The following OPCML variants were observed in gnomAD, a reference collection of about 807,000 sequenced individuals.
OPCML encodes opioid-binding protein/cell adhesion molecule.
Under a neutral mutation model 37.8 loss-of-function variants are expected in OPCML, and 13 were observed. The ratio of observed to expected loss-of-function variants is 0.34; its 90% CI spans 0.22 to 0.55. The LOEUF is 0.55. Among genes scored for constraint, OPCML ranks in the 20% least tolerant of loss-of-function variants. The probability of loss-of-function intolerance (pLI) is 0.91; values close to 1 mark genes in which losing one functional copy is unlikely to be tolerated. For synonymous variants in OPCML, 176 were observed against 168.8 expected (o/e 1.04, Z -0.33); for missense variants, 341 against 435.6 (o/e 0.78, Z 1.93).
intron 1 of OPCML, among the ~76,000 whole-genome samples, chr11:133,318,088 C>T (rs1035418896): frequency 6.6e-6 from 1 of 152,192 alleles, no homozygotes; most frequent in African/African-American, 2.4e-5. Context: ...AACAACCTGC[C>T]TCTGTGATGT....
At chr11:133,131,737 TA>T (rs1296802026) in intron 1 of OPCML, among the ~76,000 whole-genome samples, 3 of 152,214 alleles carry the variant, frequency 2.0e-5, no homozygotes, top group Admixed American at 6.5e-5. Context: ...ATTTAAGACC[TA>T]AAATTTCAAG....
intron 1 of OPCML, among the ~76,000 whole-genome samples, chr11:133,219,531 G>A (rs1191119071): frequency 1.3e-5 from 2 of 152,214 alleles, no homozygotes; most frequent in South Asian, 2.1e-4. Context: ...GCATGGATAA[G>A]AATCATCCGG....
chr11:132,727,419 GCCT>G (rs1944925149), intron 2 of OPCML, among the ~76,000 whole-genome samples: 1 of 152,166 alleles, frequency 6.6e-6, no homozygotes, highest in African/African-American at 2.4e-5. Context: ...AGGCGTGGAG[GCCT>G]CCTCTGTGCC....
chr11:132,706,592 C>T (rs1944042608), intron 2 of OPCML, among the ~76,000 whole-genome samples: 1 of 152,166 alleles, frequency 6.6e-6, no homozygotes, highest in Admixed American at 6.5e-5. Flanking sequence ...TCTAAACCCA[C>T]TTAGATGAGT....
At chr11:133,306,225 T>G (rs1942913618) in intron 1 of OPCML, among the ~76,000 whole-genome samples, 2 of 152,116 alleles carry the variant, frequency 1.3e-5, no homozygotes, top group Non-Finnish European at 2.9e-5. Context: ...TCAGGTTGTA[T>G]TACAAGTCAA....
At position 133,205,098 on chromosome 11, in the gene OPCML, C is replaced by T. The variant is rs1451153461; in HGVS notation, c.62-262088G>A. 2.8e-4 allele frequency among the ~76,000 whole-genome samples: 42 copies of T among 151,944 alleles called. No homozygotes were observed. Among genetic ancestry groups the T allele is most frequent in the Non-Finnish European group, 4.4e-5 (3 of 67,964 alleles). On this transcript the variant is annotated intron_variant, in intron 1 of 7. Coordinates refer to ENST00000524381, the MANE Select transcript of OPCML (RefSeq NM_001012393.5). This position sits in a 1 kb window ranked among gnomAD's most constrained non-coding sequence, Gnocchi z 4.8. ...TCTGTGATTAAATAATTGGAACTTT[C>T]TGTCCCACCCTCTTCTTCCTGGGAG...
chr11:133,329,440 G>A (rs904524185), intron 1 of OPCML, among the ~76,000 whole-genome samples: 7 of 152,058 alleles, frequency 4.6e-5, no homozygotes, highest in African/African-American at 1.2e-4. Context: ...ACTATACTAT[G>A]AGGCTACAGT....
chr11:132,898,451 A>G (rs951565921), intron 2 of OPCML, among the ~76,000 whole-genome samples: 2 of 152,310 alleles, frequency 1.3e-5, no homozygotes, highest in African/African-American at 4.8e-5. Flanking sequence ...ACTGGGCCCA[A>G]GTTCATGGGA....
intron 1 of OPCML, among the ~76,000 whole-genome samples, chr11:133,478,554 T>C (rs1018175885): frequency 2.6e-5 from 4 of 152,168 alleles, no homozygotes; most frequent in Non-Finnish European, 5.9e-5. Context: ...AAGAGAATCA[T>C]TGTATATTGC....
At chr11:132,730,459 C>T (rs1226514575) in intron 2 of OPCML, among the ~76,000 whole-genome samples, 1 of 151,972 alleles carries the variant, frequency 6.6e-6, no homozygotes, top group East Asian at 1.9e-4. Flanking sequence ...TAGCTCTGAT[C>T]CTCCCTTGAT....
At chr11:133,036,274 T>C (rs906492832) in intron 1 of OPCML, among the ~76,000 whole-genome samples, 10 of 152,240 alleles carry the variant, frequency 6.6e-5, no homozygotes, top group Admixed American at 3.3e-4. Flanking sequence ...ATGGTGCGAA[T>C]GTGTGTTTGT....
chr11:133,207,119 TAAAA>T (rs71038525), intron 1 of OPCML, among the ~76,000 whole-genome samples: 3 of 99,678 alleles, frequency 3.0e-5, no homozygotes, highest in Admixed American at 1.1e-4. Context: ...AACCCTCTAC[TAAAA>T]AAAAAAAAAA....
chr11:133,226,653 C>T (rs978559115), intron 1 of OPCML, among the ~76,000 whole-genome samples: 5 of 152,142 alleles, frequency 3.3e-5, no homozygotes, highest in African/African-American at 1.2e-4. Context: ...AAGCAAGCCC[C>T]GAATCCATTA....
chr11:133,083,761 T>A (rs768093720), intron 1 of OPCML, among the ~76,000 whole-genome samples: 3 of 152,126 alleles, frequency 2.0e-5, no homozygotes, highest in Admixed American at 6.5e-5. Flanking sequence ...CCAGATGCCC[T>A]CCAGACCAGC....
chr11:132,730,708 T>C (rs796159816), intron 2 of OPCML, among the ~76,000 whole-genome samples: 10 of 152,192 alleles, frequency 6.6e-5, no homozygotes, highest in African/African-American at 2.4e-4. Flanking sequence ...AATGTGAGTG[T>C]CCTTCAGCCC....
At chr11:132,942,298 C>T (rs1267719046) in intron 2 of OPCML, among the ~76,000 whole-genome samples, 1 of 152,210 alleles carries the variant, frequency 6.6e-6, no homozygotes, top group Non-Finnish European at 1.5e-5. Context: ...GTGCTTTTCA[C>T]ACAGAAGTGA....
At chr11:132,592,468 C>T (rs2096486045) in intron 3 of OPCML, among the ~76,000 whole-genome samples, 1 of 152,212 alleles carries the variant, frequency 6.6e-6, no homozygotes, top group African/African-American at 2.4e-5. Context: ...GGGCCAGGGG[C>T]CTCAACTGCT....
chr11:133,040,744 C>T (rs1947876652), intron 1 of OPCML, among the ~76,000 whole-genome samples: 1 of 152,028 alleles, frequency 6.6e-6, no homozygotes, highest in Non-Finnish European at 1.5e-5. Flanking sequence ...ACGTATGTGA[C>T]TGCGTCTCTC....
intron 1 of OPCML, among the ~76,000 whole-genome samples, chr11:132,973,677 G>A (rs1398092305): frequency 3.3e-5 from 5 of 152,164 alleles, no homozygotes; most frequent in Non-Finnish European, 7.3e-5. Flanking sequence ...GCTCACCAAA[G>A]GCAAAGACCC....
Sources: allele counts gnomAD v4.1 joint callset (sites outside exome capture counted in the v4.1 genomes callset), GRCh38; gene constraint gnomAD v4.1.1; non-coding constraint Gnocchi (gnomAD v3.1); transcripts MANE v1.5; gene names NCBI Gene and HGNC (gene_info 2026-07-23, HGNC 2026-07-21).